PLEKHG1: variants seen among roughly 807,000 people sequenced by gnomAD.
PLEKHG1 encodes the protein pleckstrin homology and RhoGEF domain containing G1.
PLEKHG1 carries 44 observed loss-of-function variants against 100.8 expected under a neutral mutation model. The observed-to-expected ratio is 0.44, with a 90% CI of 0.34 to 0.56. The LOEUF is 0.56. Ranked by LOEUF, PLEKHG1 falls within the 20% of genes least tolerant of loss-of-function variation. The probability of loss-of-function intolerance (pLI) is 0.01; values close to 1 mark genes in which losing one functional copy is unlikely to be tolerated. For synonymous variants in PLEKHG1, 640 were observed against 662.5 expected (o/e 0.97, Z 0.52); for missense variants, 1,545 against 1,720.9 (o/e 0.90, Z 1.81).
chr6:150,704,603 G>A (rs1436612087), intron 3 of PLEKHG1, among the ~76,000 whole-genome samples: 5 of 152,236 alleles, frequency 3.3e-5, no homozygotes, highest in African/African-American at 1.2e-4. Flanking sequence ...AAAGAGTTCA[G>A]GTACCTTTGC....
chr6:150,613,310 A>T (rs557805711), intron 1 of PLEKHG1, among the ~76,000 whole-genome samples: 1 of 152,160 alleles, frequency 6.6e-6, no homozygotes, highest in Admixed American at 6.5e-5. Flanking sequence ...TGCAAGTCAG[A>T]TCCTTCTTAC....
chr6:150,829,616 G>A (rs945092360), intron 14 of PLEKHG1, among the ~76,000 whole-genome samples: 1 of 152,102 alleles, frequency 6.6e-6, no homozygotes, highest in Admixed American at 6.6e-5. Flanking sequence ...GCGACAGAGC[G>A]AGATTCTGTG....
At chr6:150,649,013 C>G (rs1034828728) in intron 2 of PLEKHG1, among the ~76,000 whole-genome samples, 1 of 151,858 alleles carries the variant, frequency 6.6e-6, no homozygotes, top group Non-Finnish European at 1.5e-5. Context: ...CAATGAACCA[C>G]CTACTTGTTT....
intron 4 of PLEKHG1, 74 bp downstream of exon 5, chr6:150,786,533 T>A (rs1785631980): frequency 1.0e-6 from 1 of 977,382 alleles, no homozygotes; most frequent in African/African-American, 1.6e-5. Context: ...AAAGTTAAAA[T>A]GACTGGTTTG....
intron 3 of PLEKHG1, among the ~76,000 whole-genome samples, chr6:150,660,661 G>GT: frequency 6.6e-6 from 1 of 152,288 alleles, no homozygotes; most frequent in East Asian, 1.9e-4. Context: ...AGAGCCAGTT[G>GT]TTAAAAACTC....
chr6:150,600,470 C>T lies in PLEKHG1; in HGVS notation c.-204+453C>T, dbSNP rs117667792. On this transcript the variant is annotated intron_variant, in intron 1 of 3. Coordinates refer to the PLEKHG1 transcript ENST00000367326. The surrounding 1 kb of genome is among the most constrained non-coding windows in gnomAD (Gnocchi z 6.2). ...ACAGCCCCAGAACGGGACCCCACAGCCAGTCAGCTGGGTCAGCTCCCCAGC... is the reference window on the plus strand; with the variant it reads ...ACAGCCCCAGAACGGGACCCCACAGTCAGTCAGCTGGGTCAGCTCCCCAGC... 0.013 allele frequency among the ~76,000 whole-genome samples: 1,942 copies of T among 151,976 alleles called. 21 individuals carry two copies. Among genetic ancestry groups the T allele is most frequent in the Middle Eastern group, 0.031 (9 of 288 alleles).
intron 2 of PLEKHG1, among the ~76,000 whole-genome samples, chr6:150,753,805 G>A (rs1049376504): frequency 1.6e-4 from 25 of 152,192 alleles, no homozygotes; most frequent in Admixed American, 6.5e-5. Flanking sequence ...CTGCCCCTGC[G>A]ACAAAGGCTG....
At chr6:150,674,670 TC>T (rs1562427665) in intron 3 of PLEKHG1, among the ~76,000 whole-genome samples, 2 of 144,168 alleles carry the variant, frequency 1.4e-5, no homozygotes, top group East Asian at 2.0e-4. Context: ...TCTCTCTCTC[TC>T]TCTCTCTCTC....
chr6:150,667,047 T>C (rs7769952), intron 3 of PLEKHG1, among the ~76,000 whole-genome samples: 115,251 of 152,040 alleles, frequency 0.76, 44,049 homozygotes, highest in African/African-American at 0.86. Flanking sequence ...CGTGAGCCAC[T>C]GCGCCCAGCC....
chr6:150,799,877 G>A (rs1357145242), intron 5 of PLEKHG1, among the ~76,000 whole-genome samples: 3 of 152,118 alleles, frequency 2.0e-5, no homozygotes, highest in Non-Finnish European at 2.9e-5. Context: ...TACATTTTGC[G>A]AACGAAAGAT....
chr6:150,828,041 C>A (rs1776713925), intron 14 of PLEKHG1: 26 of 1,613,078 alleles, frequency 1.6e-5, no homozygotes, highest in Non-Finnish European at 2.2e-5. Flanking sequence ...GAATTCCCCT[C>A]TGTGCCCTGA....
intron 2 of PLEKHG1, among the ~76,000 whole-genome samples, chr6:150,643,386 AC>A (rs1451283473): frequency 6.6e-6 from 1 of 152,168 alleles, no homozygotes; most frequent in Admixed American, 6.5e-5. Flanking sequence ...TGTAGTAAGA[AC>A]CTCAATCAGT....
chr6:150,831,582 A>G lies in PLEKHG1; in HGVS notation c.2471A>G (p.His824Arg), dbSNP rs1186980590. Residue 824 changes from histidine to arginine, a missense_variant, in exon 15 of 16, where the codon CAT (histidine) becomes CGT (arginine). Coordinates refer to ENST00000358517, the Ensembl canonical transcript of PLEKHG1. This position sits in a 1 kb window ranked among gnomAD's most constrained non-coding sequence, Gnocchi z 4.1. ...CCCAGTGGTAACTTGTCTATGCCTC[A>G]TAAGCCTGTATCTGATAAACTGTCC... The G allele has an allele frequency of 1.2e-6, 2 of 1,614,204 alleles. No homozygotes were observed. Among genetic ancestry groups the G allele is most frequent in the East Asian group, 2.2e-5 (1 of 44,880 alleles).
chr6:150,763,024 C>CTTTTTTTTTTTTTTTTTTTTTT lies in PLEKHG1; in HGVS notation c.412-5594_412-5593insTTTTTTTTTTTTTTTTTTTTTT, dbSNP rs60462437. 4.3e-3 allele frequency among the ~76,000 whole-genome samples: 330 copies of CTTTTTTTTTTTTTTTTTTTTTT among 76,468 alleles called. 38 individuals are homozygous for CTTTTTTTTTTTTTTTTTTTTTT. Among genetic ancestry groups the CTTTTTTTTTTTTTTTTTTTTTT allele is most frequent in the East Asian group, 0.011 (23 of 2,040 alleles). 50.2% of individuals were successfully genotyped at this position (76,468 alleles called of 152,430 possible). Reference sequence around the variant, plus strand: ...AGCACCAACAGGAGGGATAAAGCTTCTTTTTTTTTTTTTTTTTTTTGAGAC... The same window carrying CTTTTTTTTTTTTTTTTTTTTTT: ...AGCACCAACAGGAGGGATAAAGCTTCTTTTTTTTTTTTTTTTTTTTTTTTTTTTTTTTTTTTTTTTTTGAGAC... On this transcript the variant is annotated intron_variant, in intron 2 of 15. Transcript: ENST00000358517.
At chr6:150,714,226 A>G (rs1181660593) in intron 3 of PLEKHG1, among the ~76,000 whole-genome samples, 3 of 152,274 alleles carry the variant, frequency 2.0e-5, no homozygotes, top group African/African-American at 7.2e-5. Context: ...GATTATCGAA[A>G]GCAAGAGGCT....
At chr6:150,841,683 T>A (rs1170268653) in exon 16 of PLEKHG1, 1 of 152,224 alleles carries the variant, frequency 6.6e-6, no homozygotes, top group Non-Finnish European at 1.5e-5. Flanking sequence ...AAAGATGGGA[T>A]GACTTCTGGG....
chr6:150,653,746 G>C (rs1406459979), intron 3 of PLEKHG1, among the ~76,000 whole-genome samples: 1 of 149,992 alleles, frequency 6.7e-6, no homozygotes, highest in Non-Finnish European at 1.5e-5. Context: ...AGACCCTATC[G>C]CAAAAAAAAA....
intron 2 of PLEKHG1, among the ~76,000 whole-genome samples, chr6:150,742,491 G>T (rs1024233032): frequency 6.9e-6 from 1 of 144,538 alleles, no homozygotes; most frequent in Non-Finnish European, 1.5e-5. Context: ...GTTGAACCTG[G>T]GAGGCAGAGG....
chr6:150,831,424 G>A lies in PLEKHG1; in HGVS notation c.2313G>A (p.Leu771=), dbSNP rs1192044913. The A allele has an allele frequency of 5.6e-6, 9 of 1,614,148 alleles. No homozygotes were observed. The Admixed American group carries it at 8.3e-5, about 15-fold the overall frequency. Residue 771 remains leucine, a synonymous_variant, in exon 15 of 16, where the codon CTG becomes CTA. Coordinates refer to ENST00000358517, the Ensembl canonical transcript of PLEKHG1. This position sits in a 1 kb window ranked among gnomAD's most constrained non-coding sequence, Gnocchi z 4.1. ...CAAAGCGGAGCACCTTTTTGGGTCT[G>A]GAGGCCGACTTCGTGTGCTGTGACA... is the stretch of plus-strand genomic sequence containing the variant.
Sources: allele counts gnomAD v4.1 joint callset (sites outside exome capture counted in the v4.1 genomes callset), GRCh38; gene constraint gnomAD v4.1.1; non-coding constraint Gnocchi (gnomAD v3.1); transcripts MANE v1.5; gene names NCBI Gene and HGNC (gene_info 2026-07-23, HGNC 2026-07-21).